The following DLGAP2 variants were observed in gnomAD, a reference collection of about 807,000 sequenced individuals.
DLGAP2 encodes the protein disks large-associated protein 2.
DLGAP2 carries 26 observed loss-of-function variants against 100.3 expected under a neutral mutation model. That is an observed-to-expected ratio of 0.26 (90% CI 0.19 to 0.36). The LOEUF (loss-of-function observed/expected upper bound fraction) is 0.36, where lower values mean the gene tolerates loss of function less well. DLGAP2 is among the 10% of genes least tolerant of loss of function. DLGAP2 has a pLI of 1.00. For synonymous variants in DLGAP2, 886 were observed against 630.1 expected, an observed-to-expected ratio of 1.41 and a Z score of -6.08; for missense variants, 1,858 against 1,453.2, an observed-to-expected ratio of 1.28 and a Z score of -4.53.
At chr8:778,921 T>C (rs574687124) in intron 1 of DLGAP2, among the ~76,000 whole-genome samples, 78 of 152,314 alleles carry the variant, frequency 5.1e-4, no homozygotes, top group Middle Eastern at 3.4e-3. Context: ...TGGGCAATGG[T>C]GGGCGCCCCT....
At chr8:1,166,623 C>T (rs957386756) in intron 2 of DLGAP2, among the ~76,000 whole-genome samples, 2 of 152,208 alleles carry the variant, frequency 1.3e-5, no homozygotes. Flanking sequence ...TCTAAGAATA[C>T]GGAGTCTCCT....
chr8:970,803 G>C (rs1032267431), intron 2 of DLGAP2, among the ~76,000 whole-genome samples: 1 of 152,128 alleles, frequency 6.6e-6, no homozygotes, highest in African/African-American at 2.4e-5. Context: ...CTATGACCTT[G>C]ATTTTAGCCT....
chr8:1,510,455 G>A (rs1284577471), intron 4 of DLGAP2, among the ~76,000 whole-genome samples: 1 of 152,242 alleles, frequency 6.6e-6, no homozygotes, highest in East Asian at 1.9e-4. Flanking sequence ...GGGCCACTCC[G>A]TGAAAGTGCT....
chr8:1,538,459 C>A (rs931822761), intron 4 of DLGAP2, among the ~76,000 whole-genome samples: 1 of 152,204 alleles, frequency 6.6e-6, no homozygotes, highest in African/African-American at 2.4e-5. Context: ...ATATTAACTT[C>A]CTCTTAGATC....
At chr8:1,333,041 G>A (rs1202244359) in intron 3 of DLGAP2, among the ~76,000 whole-genome samples, 2 of 152,130 alleles carry the variant, frequency 1.3e-5, no homozygotes, top group Non-Finnish European at 2.9e-5. Flanking sequence ...CTGTGACACC[G>A]CCCGAGGTGT....
chr8:1,117,911 C>G (rs564063319), intron 2 of DLGAP2, among the ~76,000 whole-genome samples: 1 of 152,084 alleles, frequency 6.6e-6, no homozygotes, highest in African/African-American at 2.4e-5. Flanking sequence ...AAAGTATCAG[C>G]AATTCAAACA....
At chr8:1,452,027 A>G (rs939688130) in intron 3 of DLGAP2, among the ~76,000 whole-genome samples, 1 of 152,262 alleles carries the variant, frequency 6.6e-6, no homozygotes, top group Non-Finnish European at 1.5e-5. Context: ...CCGATGTCCC[A>G]TCCTGGGCAG....
At chr8:1,189,781 GC>G (rs1797594234) in intron 2 of DLGAP2, among the ~76,000 whole-genome samples, 1 of 152,182 alleles carries the variant, frequency 6.6e-6, no homozygotes, top group South Asian at 2.1e-4. Context: ...GCCTGCCTGG[GC>G]CACTTCCATA....
intron 6 of DLGAP2, among the ~76,000 whole-genome samples, chr8:1,589,558 C>T (rs1796228194): frequency 6.6e-6 from 1 of 152,168 alleles, no homozygotes; most frequent in Non-Finnish European, 1.5e-5. Context: ...CCGCAGCCTC[C>T]CCAGTATCTG....
At chr8:1,176,581 C>T (rs1797263244) in intron 2 of DLGAP2, among the ~76,000 whole-genome samples, 1 of 114,696 alleles carries the variant, frequency 8.7e-6, no homozygotes, top group Non-Finnish European at 1.9e-5. Flanking sequence ...AGGTCCCACC[C>T]ATCTCAATCC....
At chr8:1,019,946 T>C (rs1801581731) in intron 2 of DLGAP2, among the ~76,000 whole-genome samples, 1 of 152,164 alleles carries the variant, frequency 6.6e-6, no homozygotes, top group South Asian at 2.1e-4. Context: ...AAAAGTTGTT[T>C]CCCCAGCAGC....
At chr8:832,991 G>A (rs935275057) in intron 1 of DLGAP2, among the ~76,000 whole-genome samples, 17 of 152,190 alleles carry the variant, frequency 1.1e-4, no homozygotes, top group African/African-American at 3.1e-4. Flanking sequence ...ACACTGATCT[G>A]GATTTCAAAT....
chr8:1,552,760 C>G (rs545977494), intron 5 of DLGAP2, among the ~76,000 whole-genome samples: 1 of 152,130 alleles, frequency 6.6e-6, no homozygotes, highest in African/African-American at 2.4e-5. Context: ...TGCAGCTGAA[C>G]GACAGGATCA....
rs191549766 is a variant in DLGAP2, at chr8:1,290,771, T to A, written c.106+31888T>A. ...TGCTAAAATGCTGCGTGCACAAAGC[T>A]TATGCTCAGGCCTGATAGCTTGGAG... On this transcript the variant is annotated intron_variant, in intron 3 of 14. Coordinates refer to ENST00000637795, the MANE Select transcript of DLGAP2 (RefSeq NM_001346810.2). Among the ~76,000 whole-genome samples, 4 of 152,374 alleles carry A rather than the reference T, an allele frequency of 2.6e-5. No individual in the cohort carries two copies. The East Asian group carries it at 7.7e-4, about 29-fold the overall frequency.
At chr8:1,372,248 A>G (rs977271586) in intron 3 of DLGAP2, among the ~76,000 whole-genome samples, 3 of 149,200 alleles carry the variant, frequency 2.0e-5, no homozygotes, top group East Asian at 2.0e-4. Context: ...CAACGCTGGG[A>G]CGCTGGTCAC....
intron 3 of DLGAP2, among the ~76,000 whole-genome samples, chr8:1,302,807 C>T (rs1380561930): frequency 2.0e-5 from 3 of 152,270 alleles, no homozygotes; most frequent in East Asian, 3.9e-4. Flanking sequence ...CTCTTCCCCT[C>T]GCCCCAGGAG....
At chr8:1,148,712 T>G (rs1796647993) in intron 2 of DLGAP2, among the ~76,000 whole-genome samples, 1 of 152,210 alleles carries the variant, frequency 6.6e-6, no homozygotes, top group African/African-American at 2.4e-5. Context: ...TTTAAAATAA[T>G]TTGCCATTTT....
chr8:1,113,151 G>T (rs1805012952), intron 2 of DLGAP2, among the ~76,000 whole-genome samples: 1 of 152,086 alleles, frequency 6.6e-6, no homozygotes, highest in Non-Finnish European at 1.5e-5. Flanking sequence ...CTCCAGCTTT[G>T]TTCTTTTTGC....
intron 1 of DLGAP2, among the ~76,000 whole-genome samples, chr8:826,865 C>G (rs1307681992): frequency 1.3e-5 from 2 of 152,100 alleles, no homozygotes; most frequent in African/African-American, 4.8e-5. Flanking sequence ...TAGGGGTGTG[C>G]TCATTTTCCA....
Sources: allele counts gnomAD v4.1 joint callset (sites outside exome capture counted in the v4.1 genomes callset), GRCh38; gene constraint gnomAD v4.1.1; transcripts MANE v1.5; gene names NCBI Gene and HGNC (gene_info 2026-07-23, HGNC 2026-07-21).